Variants in DLG2 observed in about 807,000 individuals in gnomAD.
DLG2 encodes disks large homolog 2.
Under a neutral mutation model 132.5 loss-of-function variants are expected in DLG2, and 45 were observed. The ratio of observed to expected loss-of-function variants is 0.34; its 90% CI spans 0.27 to 0.44. The LOEUF (loss-of-function observed/expected upper bound fraction) is 0.44. Among genes scored for constraint, DLG2 ranks in the 20% least tolerant of loss-of-function variants. The pLI is 1.00. For missense variants in DLG2, 1,045 were observed against 1,196.9 expected, an observed-to-expected ratio of 0.87 and a Z score of 1.87; for synonymous variants, 424 against 419.6, an observed-to-expected ratio of 1.01 and a Z score of -0.13.
chr11:85,420,504 G>T (rs550869060), intron 3 of DLG2, among the ~76,000 whole-genome samples: 2 of 152,270 alleles, frequency 1.3e-5, no homozygotes, highest in Non-Finnish European at 2.9e-5. Context: ...AGGCAAGAAT[G>T]TTCAAGTCTG....
chr11:84,920,430 A>G (rs2092700263), intron 6 of DLG2, among the ~76,000 whole-genome samples: 1 of 152,166 alleles, frequency 6.6e-6, no homozygotes, highest in African/African-American at 2.4e-5. Context: ...TCCAGGTAAA[A>G]TTAGCCTGTG....
At chr11:84,966,620 G>A (rs1416251101) in intron 6 of DLG2, among the ~76,000 whole-genome samples, 1 of 152,072 alleles carries the variant, frequency 6.6e-6, no homozygotes, top group Non-Finnish European at 1.5e-5. Context: ...GAAATTGAAA[G>A]ATATTTTTAG....
intron 6 of DLG2, among the ~76,000 whole-genome samples, chr11:84,901,081 A>T (rs980160206): frequency 6.6e-6 from 1 of 152,098 alleles, no homozygotes; most frequent in Non-Finnish European, 1.5e-5. Flanking sequence ...TAAAAGAAAA[A>T]GCAATTAATA....
At chr11:85,339,331 T>C (rs1032454392) in intron 3 of DLG2, among the ~76,000 whole-genome samples, 1 of 152,218 alleles carries the variant, frequency 6.6e-6, no homozygotes, top group Non-Finnish European at 1.5e-5. Context: ...TTTCTGCATA[T>C]ATATTTTTGT....
chr11:85,563,694 A>G (rs772520988), intron 3 of DLG2, among the ~76,000 whole-genome samples: 1 of 147,332 alleles, frequency 6.8e-6, no homozygotes, highest in Non-Finnish European at 1.5e-5. Flanking sequence ...TTATATGGAT[A>G]TACCAAAACT....
rs531884650 is a variant in DLG2, at chr11:84,980,969, G to C, written c.357+130692C>G. ...TATGCCTTTCTTTTGTGCTCTCATA[G>C]ACTCTGGGCATAGCTCTATCACAGC... On this transcript the variant is annotated intron_variant, in intron 6 of 27. Transcript: ENST00000376104. Among the ~76,000 whole-genome samples, 3 of 152,212 alleles carry C rather than the reference G, an allele frequency of 2.0e-5. 1 individual carries two copies. Among genetic ancestry groups the C allele is most frequent in the Admixed American group, 2.0e-4 (3 of 15,274 alleles).
intron 7 of DLG2, among the ~76,000 whole-genome samples, chr11:84,470,611 AT>A (rs1295779290): frequency 6.6e-6 from 1 of 151,806 alleles, no homozygotes; most frequent in Non-Finnish European, 1.5e-5. Context: ...AAAAGTAAGT[AT>A]GCAACGTACC....
intron 7 of DLG2, among the ~76,000 whole-genome samples, chr11:84,319,175 G>A (rs1241187960): frequency 4.6e-5 from 7 of 152,102 alleles, no homozygotes; most frequent in South Asian, 2.1e-4. Context: ...AGACAGTGAC[G>A]AAAAGGGAGA....
intron 3 of DLG2, among the ~76,000 whole-genome samples, chr11:85,480,844 A>G (rs1038890064): frequency 1.3e-5 from 2 of 152,228 alleles, no homozygotes; most frequent in East Asian, 3.8e-4. Flanking sequence ...GTCATGTTTC[A>G]ATAGTGTTTA....
intron 6 of DLG2, among the ~76,000 whole-genome samples, chr11:84,946,179 C>G (rs1396975388): frequency 1.3e-5 from 2 of 152,132 alleles, no homozygotes; most frequent in East Asian, 3.9e-4. Flanking sequence ...ATCAGAAACC[C>G]CAGGGGTCCA....
chr11:85,385,762 A>G lies in DLG2; in HGVS notation c.41-100397T>C, dbSNP rs566828787. Among the ~76,000 whole-genome samples, 6 of 152,308 alleles carry G rather than the reference A, an allele frequency of 3.9e-5. No homozygotes were observed. The East Asian group carries it at 1.2e-3, about 29-fold the overall frequency. ...TTTTTGAATGATGCAAGAAAGAAAG[A>G]GAGAATAATAGAAACAACAGGTGCT... is the stretch of plus-strand genomic sequence containing the variant. On this transcript the variant is annotated intron_variant, in intron 3 of 27. Transcript: ENST00000376104.
intron 7 of DLG2, among the ~76,000 whole-genome samples, chr11:84,357,107 C>A (rs895121429): frequency 6.6e-6 from 1 of 151,864 alleles, no homozygotes; most frequent in African/African-American, 2.4e-5. Context: ...CAGATTTTAC[C>A]TGAGACTGAG....
chr11:84,464,483 A>G (rs1428181100), intron 7 of DLG2, among the ~76,000 whole-genome samples: 1 of 151,148 alleles, frequency 6.6e-6, no homozygotes, highest in Admixed American at 6.6e-5. Context: ...CAGAGTTTGG[A>G]CTTTGGCATC....
chr11:83,935,605 T>C (rs1262131129), intron 14 of DLG2, among the ~76,000 whole-genome samples: 1 of 152,170 alleles, frequency 6.6e-6, no homozygotes, highest in Non-Finnish European at 1.5e-5. Context: ...GCTCCCCTAA[T>C]TCCAAGCACC....
intron 7 of DLG2, among the ~76,000 whole-genome samples, chr11:84,282,940 T>C (rs2097867036): frequency 6.6e-6 from 1 of 152,176 alleles, no homozygotes. Flanking sequence ...ACAATCCCAT[T>C]TTCCTCACAA....
At chr11:83,794,162 C>A (rs2042216188) in intron 17 of DLG2, among the ~76,000 whole-genome samples, 1 of 152,256 alleles carries the variant, frequency 6.6e-6, no homozygotes, top group African/African-American at 2.4e-5. Flanking sequence ...TCTACATGGG[C>A]CTCTGCATTT....
chr11:85,178,478 GAAGA>G (rs1480408303), intron 4 of DLG2, among the ~76,000 whole-genome samples: 2 of 151,846 alleles, frequency 1.3e-5, no homozygotes, highest in African/African-American at 4.8e-5. Flanking sequence ...CAAACTGTTT[GAAGA>G]AAGTATTATA....
intron 6 of DLG2, among the ~76,000 whole-genome samples, chr11:84,658,562 T>A (rs933781563): frequency 6.6e-6 from 1 of 151,900 alleles, no homozygotes; most frequent in African/African-American, 2.4e-5. Flanking sequence ...TGGTGGGAGG[T>A]GTTACAGTCA....
intron 3 of DLG2, among the ~76,000 whole-genome samples, chr11:85,423,988 A>T (rs528306154): frequency 6.6e-6 from 1 of 152,240 alleles, no homozygotes; most frequent in South Asian, 2.1e-4. Flanking sequence ...TCAGCTAGAG[A>T]TTTCCCCCAT....
Sources: gnomAD v4.1 joint callset for allele counts (sites outside exome capture counted in the v4.1 genomes callset) on GRCh38, gnomAD v4.1.1 for gene constraint, MANE v1.5 for transcripts, NCBI Gene and HGNC (gene_info 2026-07-23, HGNC 2026-07-21) for gene names.